CDK8: variants seen among roughly 807,000 people sequenced by gnomAD.
CDK8 encodes cyclin dependent kinase 8, also known as cyclin-dependent kinase 8.
CDK8 carries 29 observed loss-of-function variants against 71.5 expected under a neutral mutation model. That is an observed-to-expected ratio of 0.41 (90% CI 0.30 to 0.55). The LOEUF (loss-of-function observed/expected upper bound fraction) is 0.55. CDK8 is among the 20% of genes least tolerant of loss of function. The pLI is 0.37. For synonymous variants in CDK8, 161 were observed against 192.1 expected, an observed-to-expected ratio of 0.84 and a Z score of 1.34; for missense variants, 288 against 572.6, an observed-to-expected ratio of 0.50 and a Z score of 5.07.
intron 3 of CDK8, among the ~76,000 whole-genome samples, chr13:26,352,367 C>T (rs1873716819): frequency 6.6e-6 from 1 of 152,094 alleles, no homozygotes; most frequent in Non-Finnish European, 1.5e-5. Flanking sequence ...AGGTGCCTGC[C>T]ACCACTCCCG....
intron 4 of CDK8, among the ~76,000 whole-genome samples, chr13:26,380,006 G>A (rs1237038017): frequency 2.0e-5 from 3 of 152,234 alleles, no homozygotes; most frequent in African/African-American, 7.2e-5. Flanking sequence ...AAAGGTTGCA[G>A]TCTATTCAAA....
At chr13:26,391,001 T>TAA (rs199698945) in intron 6 of CDK8, among the ~76,000 whole-genome samples, 8 of 121,638 alleles carry the variant, frequency 6.6e-5, no homozygotes, top group African/African-American at 1.2e-4. Flanking sequence ...GGGCACAATC[T>TAA]AAAAAAAAAA....
At chr13:26,397,252 A>C (rs1174095766) in intron 9 of CDK8, 27 bp downstream of exon 9, 1 of 1,459,320 alleles carries the variant, frequency 6.9e-7, no homozygotes, top group South Asian at 1.2e-5. Flanking sequence ...AGTATTAATG[A>C]AATGCATTTT....
At chr13:26,257,196 G>A (rs1386013006) in intron 1 of CDK8, among the ~76,000 whole-genome samples, 2 of 152,086 alleles carry the variant, frequency 1.3e-5, no homozygotes, top group Non-Finnish European at 2.9e-5. Flanking sequence ...CACCTTTAAG[G>A]AGAACCTGAG....
At chr13:26,280,410 A>T (rs1407389355) in intron 1 of CDK8, among the ~76,000 whole-genome samples, 7 of 152,228 alleles carry the variant, frequency 4.6e-5, no homozygotes, top group Admixed American at 3.9e-4. Flanking sequence ...AGATGGAGGC[A>T]CTGGCAACCG....
rs773446688 is a variant in CDK8 at position 26,254,693 on chromosome 13, G to A, written c.52G>A (p.Asp18Asn). ...KLSSERERVE[D>N]LFEYEGCKVG... Reference sequence around the variant, plus strand: ...GAGCAGCGAGCGGGAGCGGGTCGAGGACCTGTTTGAATACGAGGGCTGCAA... The same window carrying A: ...GAGCAGCGAGCGGGAGCGGGTCGAGAACCTGTTTGAATACGAGGGCTGCAA... Residue 18 changes from aspartate to asparagine, a missense_variant, in exon 1 of 13, where the codon GAC becomes AAC. Physicochemically the swap from Asp to Asn is conservative, Grantham distance 23. Transcript: ENST00000381527. This position sits in a 1 kb window ranked among gnomAD's most constrained non-coding sequence, Gnocchi z 6.7. 1.2e-6 allele frequency: 2 copies of A among 1,612,944 alleles called. No homozygotes were observed. Among genetic ancestry groups the A allele is most frequent in the Non-Finnish European group, 1.7e-6 (2 of 1,179,486 alleles).
chr13:26,383,948 G>T (rs965420136), intron 5 of CDK8, among the ~76,000 whole-genome samples: 1 of 152,190 alleles, frequency 6.6e-6, no homozygotes, highest in African/African-American at 2.4e-5. Flanking sequence ...TTTTAAAGGA[G>T]TCTCTCCAGT....
chr13:26,284,566 T>C (rs915302134), intron 1 of CDK8, among the ~76,000 whole-genome samples: 3 of 151,962 alleles, frequency 2.0e-5, no homozygotes, highest in African/African-American at 7.3e-5. Flanking sequence ...CTAGATTAAA[T>C]TGGAAGAAAT....
intron 6 of CDK8, among the ~76,000 whole-genome samples, chr13:26,392,734 T>C (rs575285555): frequency 2.0e-5 from 3 of 152,132 alleles, no homozygotes; most frequent in African/African-American, 4.8e-5. Context: ...AAGAACCACT[T>C]TGGAAAAAAA....
chr13:26,313,320 G>T (rs762660811), intron 1 of CDK8, among the ~76,000 whole-genome samples: 8 of 151,960 alleles, frequency 5.3e-5, no homozygotes, highest in South Asian at 2.1e-4. Context: ...TCTCAAGAAG[G>T]GTGGCAAAAA....
At chr13:26,260,193 T>C (rs1259962937) in intron 1 of CDK8, among the ~76,000 whole-genome samples, 1 of 152,140 alleles carries the variant, frequency 6.6e-6, no homozygotes, top group Non-Finnish European at 1.5e-5. Flanking sequence ...CTGGCCAGCA[T>C]TTTTTGAGTT....
intron 1 of CDK8, among the ~76,000 whole-genome samples, chr13:26,258,421 A>G (rs1447582327): frequency 6.6e-6 from 1 of 152,008 alleles, no homozygotes; most frequent in African/African-American, 2.4e-5. Flanking sequence ...TTCAAGTGCT[A>G]TAAAACTGTT....
In CDK8 at chr13:26,395,378, G is replaced by C. The variant is rs569887792; in HGVS notation, c.791-907G>C. Among the ~76,000 whole-genome samples, 151 of 152,002 alleles carry C rather than the reference G, an allele frequency of 9.9e-4. 1 individual carries two copies. Among genetic ancestry groups the C allele is most frequent in the African/African-American group, 3.4e-3 (143 of 41,462 alleles). On this transcript the variant is annotated intron_variant, in intron 7 of 12. Transcript: ENST00000381527. ...CATGCCTGTAATCCCAGCTACTCTG[G>C]AGGCTGAGGCAGGGGAATCACTTGA...
intron 1 of CDK8, among the ~76,000 whole-genome samples, chr13:26,280,801 A>G (rs781259271): frequency 3.3e-5 from 5 of 152,168 alleles, no homozygotes; most frequent in South Asian, 2.1e-4. Context: ...ATTGTTCAAG[A>G]TGGTGGATAG....
At chr13:26,360,549 G>A (rs1874090199) in intron 4 of CDK8, among the ~76,000 whole-genome samples, 1 of 152,046 alleles carries the variant, frequency 6.6e-6, no homozygotes, top group African/African-American at 2.4e-5. Context: ...CAGCTACTTT[G>A]AACCACCCAT....
chr13:26,377,327 C>G (rs1229002472), intron 4 of CDK8, among the ~76,000 whole-genome samples: 3 of 152,244 alleles, frequency 2.0e-5, no homozygotes, highest in Non-Finnish European at 4.4e-5. Context: ...CTGAATTTAT[C>G]TCACCCATTT....
At chr13:26,267,933 G>C (rs1232870998) in intron 1 of CDK8, among the ~76,000 whole-genome samples, 2 of 152,046 alleles carry the variant, frequency 1.3e-5, no homozygotes, top group Non-Finnish European at 1.5e-5. Flanking sequence ...ATCCCTCCTG[G>C]CTTCCTTCAA....
At position 26,362,270 on chromosome 13, in the gene CDK8, A is replaced by ATG. The variant is rs1565986197; in HGVS notation, c.456+8390_456+8391insTG. ...TGGATGGATGGATGGATGGATGGATAGATAGATGAATGACAGAGCATTTGC... is the reference window on the plus strand; with the variant it reads ...TGGATGGATGGATGGATGGATGGATATGGATAGATGAATGACAGAGCATTTGC... On this transcript the variant is annotated intron_variant, in intron 4 of 12. Transcript: ENST00000381527. 8.6e-5 allele frequency among the ~76,000 whole-genome samples: 12 copies of ATG among 140,002 alleles called. No individual in the cohort carries two copies. The East Asian group carries it at 8.7e-4, about 10-fold the overall frequency. The allele number at this position is 140,002 out of a possible 152,430, so 91.8% of individuals were successfully genotyped here.
At chr13:26,304,226 T>C (rs1873939043) in intron 1 of CDK8, among the ~76,000 whole-genome samples, 1 of 150,448 alleles carries the variant, frequency 6.6e-6, no homozygotes, top group African/African-American at 2.5e-5. Flanking sequence ...ATTGCGCCGC[T>C]ACACTCCAGC....
Sources: gnomAD v4.1 joint callset for allele counts (sites outside exome capture counted in the v4.1 genomes callset) on GRCh38, gnomAD v4.1.1 for gene constraint, Gnocchi (gnomAD v3.1) non-coding constraint, MANE v1.5 for transcripts, NCBI Gene and HGNC (gene_info 2026-07-23, HGNC 2026-07-21) for gene names.